Variants in PRKD2 observed in about 807,000 individuals in gnomAD.
PRKD2 encodes the protein serine/threonine-protein kinase D2.
In PRKD2, 22 loss-of-function variants were observed where a neutral mutation model predicts 86.0. That is an observed-to-expected ratio of 0.26 (90% confidence interval 0.18 to 0.37). The LOEUF (loss-of-function observed/expected upper bound fraction) is 0.37, where lower values mean the gene tolerates loss of function less well. PRKD2 is among the 10% of genes least tolerant of loss of function. The probability of loss-of-function intolerance (pLI) is 1.00; values close to 1 mark genes in which losing one functional copy is unlikely to be tolerated. For synonymous variants in PRKD2, 509 were observed against 510.9 expected (o/e 1.00, Z 0.05); for missense variants, 818 against 1,199.2 (o/e 0.68, Z 4.70).
At chr19:46,691,259 C>T (rs1005352853) in intron 12 of PRKD2, among the ~76,000 whole-genome samples, 2 of 151,770 alleles carry the variant, frequency 1.3e-5, no homozygotes, top group Admixed American at 1.3e-4. Context: ...AGGATCTAGA[C>T]CTGTGGCCAA....
Position 46,693,840 on chromosome 19 carries a change from C to A in PRKD2, c.1576+35G>T. The A allele has an allele frequency of 6.4e-7, 1 of 1,560,176 alleles. No homozygotes were observed. Among genetic ancestry groups the A allele is most frequent in the Non-Finnish European group, 8.7e-7 (1 of 1,155,276 alleles). Reference sequence around the variant, plus strand: ...AGAACCGTGCCCCACCCATCTAGATCTATTCTCTCAAGGACCCGAGGTGGG... The same window carrying A: ...AGAACCGTGCCCCACCCATCTAGATATATTCTCTCAAGGACCCGAGGTGGG... On this transcript the variant is annotated intron_variant, in intron 10 of 17. Transcript: ENST00000291281. This position sits in a 1 kb window ranked among gnomAD's most constrained non-coding sequence, Gnocchi z 4.5.
Position 46,681,707 on chromosome 19 carries a change from G to A in PRKD2, c.2013C>T (p.Val671=). Residue 671 remains valine, a synonymous_variant, in exon 15 of 18, where the codon GTC becomes GTT. Transcript: ENST00000291281. ...CGTTTTCTGGTTTCAAGTCACAGTG[G>A]ACAATGTTCTTGAAGTGAAGGTGTC... is the stretch of plus-strand genomic sequence containing the variant. ...ALRHLHFKNI[V]HCDLKPENVL... The A allele has an allele frequency of 6.2e-7, 1 of 1,613,188 alleles. No homozygotes were observed. Among genetic ancestry groups the A allele is most frequent in the Non-Finnish European group, 8.5e-7 (1 of 1,179,538 alleles).
chr19:46,690,709 G>A lies in PRKD2; in HGVS notation c.1703-3C>T. ...CCGGCCTGTCTTCCGGTGTTTTCCT[G>A]CACAGGGAGTAGAAGAGATGGGGGA... On this transcript the variant is annotated splice_region_variant and splice_polypyrimidine_tract_variant and intron_variant, in intron 12 of 17. Transcript: ENST00000291281. 1 of 1,613,406 alleles carries A rather than the reference G, an allele frequency of 6.2e-7. No homozygotes were observed. The highest frequency in any genetic ancestry group is 8.5e-7 in the Non-Finnish European group (1 of 1,179,464).
At chr19:46,705,379 C>T (rs2053699827) in intron 3 of PRKD2, among the ~76,000 whole-genome samples, 1 of 151,854 alleles carries the variant, frequency 6.6e-6, no homozygotes, top group South Asian at 2.1e-4. Flanking sequence ...AAATGCCTCT[C>T]CTCACCCCCA....
At chr19:46,701,193 C>T in intron 5 of PRKD2, 81 bp from the exon 6 acceptor site, 2 of 1,441,366 alleles carry the variant, frequency 1.4e-6, no homozygotes, top group Non-Finnish European at 1.9e-6. Flanking sequence ...CCCTAAGCCT[C>T]AGGCTCAAAA....
At chr19:46,680,617 C>G (rs1217237245) in intron 15 of PRKD2, among the ~76,000 whole-genome samples, 1 of 151,610 alleles carries the variant, frequency 6.6e-6, no homozygotes, top group African/African-American at 2.4e-5. Flanking sequence ...TTTGGAACAA[C>G]TTGGGCATGT....
At position 46,716,153 on chromosome 19, in the gene PRKD2, G is replaced by A. The variant is rs1442222205; in HGVS notation, c.218C>T (p.Ala73Val). 2 of 1,611,502 alleles carry A rather than the reference G, an allele frequency of 1.2e-6. No homozygotes were observed. Among genetic ancestry groups the A allele is most frequent in the Admixed American group, 1.7e-5 (1 of 59,962 alleles). ...ASELAHVKQLACSIVDQKFPE... is the reference protein window; with the variant it reads ...ASELAHVKQLVCSIVDQKFPE... ...CACCTTCTGGTCCACGATGGAACAG[G>A]CCAGCTGCTTCACATGAGCCAGCTC... The change falls in exon 1 of 18, where the codon GCC (alanine) becomes GTC (valine). Residue 73 changes from alanine to valine, a missense_variant. By Grantham distance (64) the Ala-to-Val change is moderately conservative. This residue lies in a region of PRKD2 where 403 missense variants were observed against 518.6 expected (regional missense o/e 0.78). Transcript: ENST00000291281. This position sits in a 1 kb window ranked among gnomAD's most constrained non-coding sequence, Gnocchi z 7.9.
chr19:46,700,258 G>A (rs1249512772), intron 7 of PRKD2, among the ~76,000 whole-genome samples: 1 of 151,706 alleles, frequency 6.6e-6, no homozygotes, highest in Non-Finnish European at 1.5e-5. Flanking sequence ...GGATAGCAGT[G>A]CATCCCTGTA....
At chr19:46,685,236 G>A (rs2053378845) in intron 14 of PRKD2, among the ~76,000 whole-genome samples, 1 of 148,752 alleles carries the variant, frequency 6.7e-6, no homozygotes, top group South Asian at 2.2e-4. Context: ...TCCAGCCTGG[G>A]TGACAGAGTG....
intron 3 of PRKD2, among the ~76,000 whole-genome samples, chr19:46,708,308 C>CTTT (rs61231695): frequency 2.4e-5 from 2 of 82,188 alleles, no homozygotes; most frequent in African/African-American, 6.1e-5. Flanking sequence ...GACTGGTGAC[C>CTTT]TTTTTTTTTT....
At chr19:46,701,148 GGGAAGAGAGGTTACCT>G (rs1174975550) in intron 5 of PRKD2, 36 bp from the exon 6 acceptor site, 1 of 1,596,300 alleles carries the variant, frequency 6.3e-7, no homozygotes, top group Admixed American at 1.7e-5. Context: ...GGGTGAGAAG[GGGAAGAGAGGTTACCT>G]GGAAGGCTTG....
chr19:46,713,085 C>A (rs538596784), intron 2 of PRKD2, among the ~76,000 whole-genome samples: 1 of 150,982 alleles, frequency 6.6e-6, no homozygotes, highest in Admixed American at 6.6e-5. Context: ...GTGACATGAT[C>A]GTGGCTCACT....
chr19:46,675,156 C>G (rs1354091232), intron 16 of PRKD2, 38 bp from the exon 17 acceptor site: 8 of 1,558,986 alleles, frequency 5.1e-6, no homozygotes, highest in Non-Finnish European at 7.0e-6. Context: ...CCCTACAGGT[C>G]AAGGGTCACT....
intron 14 of PRKD2, among the ~76,000 whole-genome samples, chr19:46,682,369 G>A (rs528311741): frequency 1.4e-4 from 22 of 151,980 alleles, no homozygotes; most frequent in African/African-American, 5.3e-4. Flanking sequence ...TGACCAGGCT[G>A]GTCTCAAACT....
In PRKD2 at chr19:46,703,697, A is replaced by AG. The variant is rs1365046192; in HGVS notation, c.889+471dup. Among the ~76,000 whole-genome samples, 4 of 150,932 alleles carry AG rather than the reference A, an allele frequency of 2.7e-5. No homozygotes were observed. In the East Asian group the frequency reaches 7.9e-4, roughly 30 times the overall value. ...TGAGGCAGGAGAATGTCCTGATCCC[A>AG]GGAGGCAGAGTTTGCAGTGAGCCGA... On this transcript the variant is annotated intron_variant, in intron 5 of 17. Coordinates refer to ENST00000291281, the MANE Select transcript of PRKD2 (RefSeq NM_016457.5).
intron 14 of PRKD2, among the ~76,000 whole-genome samples, chr19:46,688,240 C>G (rs2053428621): frequency 6.6e-6 from 1 of 151,506 alleles, no homozygotes; most frequent in Non-Finnish European, 1.5e-5. Flanking sequence ...TGGGCTTAAG[C>G]AATCCTCTGG....
In PRKD2 at chr19:46,697,776, A is replaced by G. The variant is rs1222637788; in HGVS notation, c.1196T>C (p.Leu399Pro). The change falls in exon 8 of 18, where the codon CTG becomes CCG. Residue 399 changes from leucine to proline, a missense_variant. By Grantham distance (98) the Leu-to-Pro change is moderately conservative. Coordinates refer to ENST00000291281, the MANE Select transcript of PRKD2 (RefSeq NM_016457.5). Reference sequence around the variant, plus strand: ...GTAATGAACCACCCAACCCTCCCGCAGCGTGGTGCTGGATTTCCGCGTCGT... The same window carrying G: ...GTAATGAACCACCCAACCCTCCCGCGGCGTGGTGCTGGATTTCCGCGTCGT... ...RHTTRKSSTT[L>P]REGWVVHYSN... The G allele has an allele frequency of 6.2e-7, 1 of 1,613,864 alleles. No individual in the cohort carries two copies. The highest frequency in any genetic ancestry group is 8.5e-7 in the Non-Finnish European group (1 of 1,179,986).
At chr19:46,681,404 G>A (rs529689498) in intron 15 of PRKD2, among the ~76,000 whole-genome samples, 6 of 151,736 alleles carry the variant, frequency 4.0e-5, no homozygotes, top group South Asian at 4.2e-4. Context: ...ATAGGCGCAC[G>A]CCACCATTCC....
Position 46,689,650 on chromosome 19 carries a change from G to T in PRKD2, c.1858C>A (p.Pro620Thr), listed in dbSNP as rs1463074692. ...IVNLECMFETPEKVFVVMEKL... is the reference protein window; with the variant it reads ...IVNLECMFETTEKVFVVMEKL... ...TCCATCACCACAAACACTTTCTCAGGCGTCTCGAACATGCACTCCAGGTTC... is the reference window on the plus strand; with the variant it reads ...TCCATCACCACAAACACTTTCTCAGTCGTCTCGAACATGCACTCCAGGTTC... The change falls in exon 14 of 18, where the codon CCT becomes ACT. Residue 620 changes from proline to threonine, a missense_variant. Pro to Thr is a conservative substitution (Grantham distance 38). Coordinates refer to ENST00000291281, the MANE Select transcript of PRKD2 (RefSeq NM_016457.5). 2.5e-6 allele frequency: 4 copies of T among 1,614,000 alleles called. No homozygotes were observed. In the African/African-American group the frequency reaches 4.0e-5, roughly 16 times the overall value.
Sources: allele counts gnomAD v4.1 joint callset (sites outside exome capture counted in the v4.1 genomes callset), GRCh38; gene constraint gnomAD v4.1.1; regional missense constraint gnomAD v4.1.1; non-coding constraint Gnocchi (gnomAD v3.1); transcripts MANE v1.5; gene names NCBI Gene and HGNC (gene_info 2026-07-23, HGNC 2026-07-21).